The following IPCEF1 variants were observed in gnomAD, a reference collection of about 807,000 sequenced individuals.
The protein encoded by IPCEF1 is interaction protein for cytohesin exchange factors 1, also known as interactor protein for cytohesin exchange factors 1.
A neutral mutation model predicts 50.9 loss-of-function variants in IPCEF1; 31 were observed. The ratio of observed to expected loss-of-function variants is 0.61; its 90% CI spans 0.46 to 0.82. IPCEF1 has a LOEUF of 0.82. Ranked by LOEUF, IPCEF1 falls within the 40% of genes least tolerant of loss-of-function variation. The pLI is 0.00. For missense variants in IPCEF1, 458 were observed against 514.0 expected, an observed-to-expected ratio of 0.89 and a Z score of 1.05; for synonymous variants, 181 against 192.0, an observed-to-expected ratio of 0.94 and a Z score of 0.47.
chr6:154,291,432 A>C (rs1782510641), intron 1 of IPCEF1, among the ~76,000 whole-genome samples: 1 of 152,028 alleles, frequency 6.6e-6, no homozygotes, highest in Non-Finnish European at 1.5e-5. Flanking sequence ...TTTTATTTTG[A>C]AAATGTTTAA....
At chr6:154,171,989 G>A (rs1000188788) in intron 10 of IPCEF1, among the ~76,000 whole-genome samples, 2 of 152,132 alleles carry the variant, frequency 1.3e-5, no homozygotes, top group African/African-American at 4.8e-5. Flanking sequence ...CCAAACAAGA[G>A]TATGACAAAG....
chr6:154,352,424 G>T (rs1342738818), intron 1 of IPCEF1, among the ~76,000 whole-genome samples: 1 of 152,044 alleles, frequency 6.6e-6, no homozygotes, highest in African/African-American at 2.4e-5. Flanking sequence ...TTTCCTTGAC[G>T]ATCTGGTCAT....
chr6:154,160,023 C>G lies in IPCEF1; in HGVS notation c.1122G>C (p.Leu374=). 1 of 1,611,762 alleles carries G rather than the reference C, an allele frequency of 6.2e-7. No homozygotes were observed. Among genetic ancestry groups the G allele is most frequent in the Non-Finnish European group, 8.5e-7 (1 of 1,179,802 alleles). ...NSTLKCKEHD[L]AMINQLLDDP... is the part of the protein sequence containing the mutation. The stretch of plus-strand genomic sequence containing the variant: ...CATCCAGCAACTGGTTAATCATGGC[C>G]AGATCATGTTCTTTACACTGTGTGA... The change falls in exon 12 of 12, where the codon CTG becomes CTC. Residue 374 remains leucine, a synonymous_variant. Coordinates refer to ENST00000367220, the MANE Select transcript of IPCEF1 (RefSeq NM_001130700.2).
intron 3 of IPCEF1, among the ~76,000 whole-genome samples, chr6:154,252,668 C>A (rs1003718097): frequency 6.6e-6 from 1 of 151,902 alleles, no homozygotes; most frequent in Non-Finnish European, 1.5e-5. Flanking sequence ...GAGCAAGACT[C>A]CATCTCGAAA....
At chr6:154,267,571 C>T (rs956995959) in intron 2 of IPCEF1, among the ~76,000 whole-genome samples, 8 of 152,280 alleles carry the variant, frequency 5.3e-5, no homozygotes, top group South Asian at 2.1e-4. Flanking sequence ...CTGGGAATAA[C>T]GAGGTACACA....
At chr6:154,279,013 T>C (rs910465947) in intron 2 of IPCEF1, among the ~76,000 whole-genome samples, 2 of 148,146 alleles carry the variant, frequency 1.4e-5, no homozygotes, top group Non-Finnish European at 3.0e-5. Context: ...TGGTCCCAGC[T>C]ACTTGGGAGG....
At chr6:154,201,371 T>C (rs1162920610) in intron 9 of IPCEF1, among the ~76,000 whole-genome samples, 1 of 152,222 alleles carries the variant, frequency 6.6e-6, no homozygotes, top group Non-Finnish European at 1.5e-5. Context: ...TCTTTGTCTC[T>C]TTGTCTCTTT....
intron 1 of IPCEF1, among the ~76,000 whole-genome samples, chr6:154,311,188 C>A (rs1339117532): frequency 6.6e-6 from 1 of 152,148 alleles, no homozygotes; most frequent in African/African-American, 2.4e-5. Context: ...AACTGCCAGG[C>A]ATTTTGTTCT....
chr6:154,243,500 T>C (rs9478527), intron 5 of IPCEF1, among the ~76,000 whole-genome samples: 59,840 of 151,952 alleles, frequency 0.39, 12,032 homozygotes, highest in Middle Eastern at 0.49. Flanking sequence ...TGGGTAGCAA[T>C]AGCATAAAAC....
At chr6:154,241,254 A>G (rs1780565657) in intron 5 of IPCEF1, among the ~76,000 whole-genome samples, 1 of 144,548 alleles carries the variant, frequency 6.9e-6, no homozygotes, top group East Asian at 2.0e-4. Context: ...AAAAAAAAAA[A>G]GAGAGAGAGA....
intron 1 of IPCEF1, among the ~76,000 whole-genome samples, chr6:154,349,825 G>T (rs1784092806): frequency 1.3e-5 from 2 of 152,082 alleles, no homozygotes; most frequent in Admixed American, 6.6e-5. Context: ...CAAGTCTAAA[G>T]AAAATTAAAT....
At chr6:154,183,214 C>T (rs997347196) in intron 10 of IPCEF1, among the ~76,000 whole-genome samples, 1 of 151,988 alleles carries the variant, frequency 6.6e-6, no homozygotes, top group Non-Finnish European at 1.5e-5. Flanking sequence ...CTCCTGACCT[C>T]GTGATCTGCC....
chr6:154,180,940 GA>G lies in IPCEF1; in HGVS notation c.911-12828del, dbSNP rs199954675. On this transcript the variant is annotated intron_variant, in intron 10 of 11. Transcript: ENST00000367220. ...CATATGCAATGTTCTAAGTGCCTGAGAAAGAAAAGACCGTGGAAGGCACTTG... is the reference window on the plus strand; with the variant it reads ...CATATGCAATGTTCTAAGTGCCTGAGAAGAAAAGACCGTGGAAGGCACTTG... Among the ~76,000 whole-genome samples the G allele has an allele frequency of 4.7e-3, 708 of 152,214 alleles. 15 individuals are homozygous for G. The highest frequency in any genetic ancestry group is 0.034 in the Admixed American group (527 of 15,290).
intron 1 of IPCEF1, among the ~76,000 whole-genome samples, chr6:154,297,954 T>A (rs919491587): frequency 5.9e-5 from 9 of 152,216 alleles, no homozygotes; most frequent in African/African-American, 2.2e-4. Flanking sequence ...CATTCTTTTC[T>A]TATCTCAGCT....
chr6:154,181,524 T>C (rs1800869007), intron 10 of IPCEF1, among the ~76,000 whole-genome samples: 1 of 152,234 alleles, frequency 6.6e-6, no homozygotes, highest in African/African-American at 2.4e-5. Context: ...ATTTGATGCG[T>C]TCTTTTGAAT....
chr6:154,347,667 C>T (rs957555895), intron 1 of IPCEF1, among the ~76,000 whole-genome samples: 4 of 152,150 alleles, frequency 2.6e-5, no homozygotes, highest in African/African-American at 9.7e-5. Flanking sequence ...AGAAGGGGTC[C>T]TCTTGGACTC....
At chr6:154,287,096 T>C (rs1782381156) in intron 2 of IPCEF1, among the ~76,000 whole-genome samples, 1 of 151,976 alleles carries the variant, frequency 6.6e-6, no homozygotes, top group Non-Finnish European at 1.5e-5. Flanking sequence ...CCTTTCTTTT[T>C]TTTAAAATTA....
rs767122189 is a variant in IPCEF1, at chr6:154,265,938, A to G, written c.10T>C (p.Tyr4His). The change falls in exon 3 of 12, where the codon TAC becomes CAC. Residue 4 changes from tyrosine to histidine, a missense_variant. By Grantham distance (83) the Tyr-to-His change is moderately conservative. Coordinates refer to ENST00000367220, the MANE Select transcript of IPCEF1 (RefSeq NM_001130700.2). MTSYMAIDGSALQV... is the reference protein window; with the variant it reads MTSHMAIDGSALQV... Reference sequence around the variant, plus strand: ...AGAGCACTGCCATCAATAGCCATGTATGATGTCATCTTAGTAGAAACAAAA... The same window carrying G: ...AGAGCACTGCCATCAATAGCCATGTGTGATGTCATCTTAGTAGAAACAAAA... 6.2e-7 allele frequency: 1 copy of G among 1,602,616 alleles called. No individual in the cohort carries two copies. Among genetic ancestry groups the G allele is most frequent in the Non-Finnish European group, 8.5e-7 (1 of 1,173,348 alleles).
chr6:154,160,050 T>C lies in IPCEF1; in HGVS notation c.1105-10A>G. On this transcript the variant is annotated splice_polypyrimidine_tract_variant and intron_variant, in intron 11 of 11. Transcript: ENST00000367220. ...GATCATGTTCTTTACACTGTGTGAG[T>C]AGAAAAAAAGGGGAAGGGGGTATGT... 1 of 1,595,760 alleles carries C rather than the reference T, an allele frequency of 6.3e-7. No homozygotes were observed.
Sources: allele counts gnomAD v4.1 joint callset (sites outside exome capture counted in the v4.1 genomes callset), GRCh38; gene constraint gnomAD v4.1.1; transcripts MANE v1.5; gene names NCBI Gene and HGNC (gene_info 2026-07-23, HGNC 2026-07-21).